Variants in PCDHGC4 observed in about 807,000 individuals in gnomAD.
PCDHGC4 encodes protocadherin gamma subfamily C, 4, also known as protocadherin gamma-C4.
A neutral mutation model predicts 59.7 loss-of-function variants in PCDHGC4; 15 were observed. The ratio of observed to expected loss-of-function variants is 0.25; its 90% confidence interval spans 0.17 to 0.39. The LOEUF (loss-of-function observed/expected upper bound fraction) is 0.39. PCDHGC4 is among the 10% of genes least tolerant of loss of function. The pLI is 1.00. For synonymous variants in PCDHGC4, 434 were observed against 481.4 expected, an observed-to-expected ratio of 0.90 and a Z score of 1.29; for missense variants, 1,016 against 1,189.5, an observed-to-expected ratio of 0.85 and a Z score of 2.15.
Position 141,491,364 on chromosome 5 carries a change from C to T in PCDHGC4, c.2443-3443C>T. 1 of 1,614,164 alleles carries T rather than the reference C, an allele frequency of 6.2e-7. No homozygotes were observed. The highest frequency in any genetic ancestry group is 8.5e-7 in the Non-Finnish European group (1 of 1,180,000). On this transcript the variant is annotated intron_variant, in intron 1 of 3. Coordinates refer to ENST00000306593, the MANE Select transcript of PCDHGC4 (RefSeq NM_018928.3). This position sits in a 1 kb window ranked among gnomAD's most constrained non-coding sequence, Gnocchi z 6.9. The stretch of plus-strand genomic sequence containing the variant: ...CCGTCAGTCTCTTATCCCTAGTCAC[C>T]TTCACCTTTCTGTCAGCGAAGTGCC...
At chr5:141,503,598 C>CTAA (rs2099824827) in intron 2 of PCDHGC4, among the ~76,000 whole-genome samples, 2 of 65,752 alleles carry the variant, frequency 3.0e-5, no homozygotes, top group African/African-American at 9.3e-5. Flanking sequence ...GACTCCAGCT[C>CTAA]AAAAAAAAAA....
At chr5:141,492,161 TC>T (rs1269738341) in intron 1 of PCDHGC4, among the ~76,000 whole-genome samples, 2 of 152,142 alleles carry the variant, frequency 1.3e-5, no homozygotes, top group Admixed American at 6.5e-5. Context: ...ACCCTCCCTA[TC>T]CCCGCATCAC....
At chr5:141,498,588 A>G (rs1326073516) in intron 2 of PCDHGC4, among the ~76,000 whole-genome samples, 1 of 152,082 alleles carries the variant, frequency 6.6e-6, no homozygotes, top group Non-Finnish European at 1.5e-5. Context: ...GTTCTTCAGT[A>G]AACTTGGTTC....
Position 141,485,859 on chromosome 5 carries a change from G to A in PCDHGC4, c.686G>A (p.Arg229Gln), listed in dbSNP as rs1272239385. ...CCGAGATCTGGCACCGCAGAGCTCC[G>A]GGTATCCGTGCTGGACGTAAACGAC... The part of the protein sequence containing the change: ...NPPRSGTAEL[R>Q]VSVLDVNDNA... The change falls in exon 1 of 4, where the codon CGG (arginine) becomes CAG (glutamine). Residue 229 changes from arginine to glutamine, a missense_variant. Arg to Gln is a conservative substitution (Grantham distance 43). Transcript: ENST00000306593. This position sits in a 1 kb window ranked among gnomAD's most constrained non-coding sequence, Gnocchi z 5.7. 3.7e-6 allele frequency: 6 copies of A among 1,614,046 alleles called. No homozygotes were observed. Among genetic ancestry groups the A allele is most frequent in the Admixed American group, 3.3e-5 (2 of 60,000 alleles).
At position 141,498,971 on chromosome 5, in the gene PCDHGC4, G is replaced by GGGAAGGAAGGAA. The variant is rs201769957; in HGVS notation, c.2501+4152_2501+4163dup. On this transcript the variant is annotated intron_variant, in intron 2 of 3. Coordinates refer to ENST00000306593, the MANE Select transcript of PCDHGC4 (RefSeq NM_018928.3). ...AAAAAGAGAGAGAGGGAGGGAGGGA[G>GGGAAGGAAGGAA]GGAAGGAAGGAAGGAAGGAAGGAAG... 6.8e-3 allele frequency among the ~76,000 whole-genome samples: 758 copies of GGGAAGGAAGGAA among 111,036 alleles called. 12 individuals are homozygous for GGGAAGGAAGGAA. Among genetic ancestry groups the GGGAAGGAAGGAA allele is most frequent in the African/African-American group, 0.021 (585 of 27,816 alleles). 72.8% of individuals were successfully genotyped at this position (111,036 alleles called of 152,430 possible). A position where few individuals can be genotyped will look rare whatever the true frequency, so the allele number is the denominator to read the frequency against.
At chr5:141,497,245 G>T (rs779763574) in intron 2 of PCDHGC4, among the ~76,000 whole-genome samples, 2 of 152,138 alleles carry the variant, frequency 1.3e-5, no homozygotes, top group Non-Finnish European at 2.9e-5. Flanking sequence ...TCTAGGAGGA[G>T]GTGACATTGA....
At position 141,489,646 on chromosome 5, in the gene PCDHGC4, C is replaced by A. The variant is rs1274955075; in HGVS notation, c.2442+2031C>A. 1.2e-6 allele frequency: 2 copies of A among 1,614,186 alleles called. No homozygotes were observed. The highest frequency in any genetic ancestry group is 2.7e-5 in the African/African-American group (2 of 75,048). On this transcript the variant is annotated intron_variant, in intron 1 of 3. Coordinates refer to ENST00000306593, the MANE Select transcript of PCDHGC4 (RefSeq NM_018928.3). This position sits in a 1 kb window ranked among gnomAD's most constrained non-coding sequence, Gnocchi z 4.5. Reference sequence around the variant, plus strand: ...TGACAACTCTCCTAGCTTTGCCACCCCTGAGCGAGAGATGCGCATCTCAGA... The same window carrying A: ...TGACAACTCTCCTAGCTTTGCCACCACTGAGCGAGAGATGCGCATCTCAGA...
In PCDHGC4 at chr5:141,490,801, A is replaced by G; in HGVS notation, c.2442+3186A>G. On this transcript the variant is annotated intron_variant, in intron 1 of 3. Transcript: ENST00000306593. The surrounding 1 kb of genome is among the most constrained non-coding windows in gnomAD (Gnocchi z 5.4). ...GGATGGACGGATCTTTGCCCAGCGT[A>G]CCTTTGACTATGAATTGCTGCAGAT... The G allele has an allele frequency of 6.2e-7, 1 of 1,613,854 alleles. No homozygotes were observed. Among genetic ancestry groups the G allele is most frequent in the African/African-American group, 1.3e-5 (1 of 75,042 alleles).
rs146615755 is a variant in PCDHGC4 at position 141,486,022 on chromosome 5, T to C, written c.849T>C (p.Gly283=). The C allele has an allele frequency of 1.2e-6, 2 of 1,614,030 alleles. No homozygotes were observed. Among genetic ancestry groups the C allele is most frequent in the Non-Finnish European group, 1.7e-6 (2 of 1,180,036 alleles). The part of the protein sequence containing the change: ...PSGNVTFYFS[G]HTPDRVRNLF... Reference sequence around the variant, plus strand: ...GTAACGTCACCTTTTATTTCAGTGGTCATACCCCTGATCGTGTAAGAAACC... The same window carrying C: ...GTAACGTCACCTTTTATTTCAGTGGCCATACCCCTGATCGTGTAAGAAACC... Residue 283 remains glycine, a synonymous_variant, in exon 1 of 4, where the codon GGT becomes GGC. Coordinates refer to ENST00000306593, the MANE Select transcript of PCDHGC4 (RefSeq NM_018928.3). The surrounding 1 kb of genome is among the most constrained non-coding windows in gnomAD (Gnocchi z 5.0).
chr5:141,487,256 G>A lies in PCDHGC4; in HGVS notation c.2083G>A (p.Val695Met). ...ATCTCGTCTAACCCTCTACTTGGCTGTGTCCCTAGTGGCAATTTGCTTTGT... is the reference window on the plus strand; with the variant it reads ...ATCTCGTCTAACCCTCTACTTGGCTATGTCCCTAGTGGCAATTTGCTTTGT... The part of the protein sequence containing the change: ...GESRLTLYLA[V>M]SLVAICFVSF... The change falls in exon 1 of 4, where the codon GTG (valine) becomes ATG (methionine). Residue 695 changes from valine to methionine, a missense_variant. Physicochemically the swap from Val to Met is conservative, Grantham distance 21. Transcript: ENST00000306593. The surrounding 1 kb of genome is among the most constrained non-coding windows in gnomAD (Gnocchi z 5.0). The A allele has an allele frequency of 6.2e-7, 1 of 1,614,166 alleles. No individual in the cohort carries two copies. The highest frequency in any genetic ancestry group is 8.5e-7 in the Non-Finnish European group (1 of 1,180,032).
At position 141,491,597 on chromosome 5, in the gene PCDHGC4, A is replaced by T. The variant is rs1389838814; in HGVS notation, c.2443-3210A>T. Reference sequence around the variant, plus strand: ...TTTTCACCGGCCTCGGACGGCAGTGACTTCACTTTTCTAAGACCCCTCAGC... The same window carrying T: ...TTTTCACCGGCCTCGGACGGCAGTGTCTTCACTTTTCTAAGACCCCTCAGC... On this transcript the variant is annotated intron_variant, in intron 1 of 3. Coordinates refer to ENST00000306593, the MANE Select transcript of PCDHGC4 (RefSeq NM_018928.3). This position sits in a 1 kb window ranked among gnomAD's most constrained non-coding sequence, Gnocchi z 6.9. 1.2e-6 allele frequency: 2 copies of T among 1,613,788 alleles called. No individual in the cohort carries two copies. The highest frequency in any genetic ancestry group is 1.7e-6 in the Non-Finnish European group (2 of 1,180,012).
chr5:141,486,637 G>A lies in PCDHGC4; in HGVS notation c.1464G>A (p.Ala488=), dbSNP rs761072169. Residue 488 remains alanine (A), a synonymous_variant, in exon 1 of 4, where the codon GCG becomes GCA. Transcript: ENST00000306593. The surrounding 1 kb of genome is among the most constrained non-coding windows in gnomAD (Gnocchi z 5.0). ...AASDPDSGLN[A]LISYSLLEPR... ...CTGACCCAGACTCTGGCTTGAATGC[G>A]CTTATCTCCTACTCACTCCTGGAGC... 3.1e-5 allele frequency: 50 copies of A among 1,613,520 alleles called. No individual in the cohort carries two copies. The highest frequency in any genetic ancestry group is 5.0e-5 in the Admixed American group (3 of 60,000).
intron 3 of PCDHGC4, 86 bp downstream of exon 3, chr5:141,505,567 T>C: frequency 6.3e-7 from 1 of 1,599,440 alleles, no homozygotes; most frequent in South Asian, 1.1e-5. Flanking sequence ...ACGGACTGGA[T>C]GTCAAACCTG....
intron 1 of PCDHGC4, among the ~76,000 whole-genome samples, chr5:141,492,090 C>T (rs751238997): frequency 1.4e-4 from 21 of 152,258 alleles, no homozygotes; most frequent in Admixed American, 6.5e-5. Flanking sequence ...GCACGCTTCG[C>T]CGGTCTGTAG....
Position 141,489,517 on chromosome 5 carries a change from G to C in PCDHGC4, c.2442+1902G>C. The C allele has an allele frequency of 6.2e-7, 1 of 1,614,136 alleles. No individual in the cohort carries two copies. Among genetic ancestry groups the C allele is most frequent in the Non-Finnish European group, 8.5e-7 (1 of 1,180,044 alleles). On this transcript the variant is annotated intron_variant, in intron 1 of 3. Transcript: ENST00000306593. The surrounding 1 kb of genome is among the most constrained non-coding windows in gnomAD (Gnocchi z 4.5). ...GGCAGTGAATCAAAAGATTGACCGA[G>C]AAAGCCTATGTGGAGCCAGCACCAG...
In PCDHGC4 at chr5:141,489,911, G is replaced by A; in HGVS notation, c.2442+2296G>A. On this transcript the variant is annotated intron_variant, in intron 1 of 3. Transcript: ENST00000306593. The surrounding 1 kb of genome is among the most constrained non-coding windows in gnomAD (Gnocchi z 4.5). ...GATGGGGGGACCCCAGCCCGCTCAG[G>A]GACCACCCTTATCTCTGTCATCGTG... 3.7e-6 allele frequency: 6 copies of A among 1,614,198 alleles called. No individual in the cohort carries two copies. Among genetic ancestry groups the A allele is most frequent in the Non-Finnish European group, 5.1e-6 (6 of 1,180,042 alleles).
At chr5:141,510,677 A>G (rs2099882239) in intron 3 of PCDHGC4, among the ~76,000 whole-genome samples, 2 of 152,212 alleles carry the variant, frequency 1.3e-5, no homozygotes, top group African/African-American at 4.8e-5. Context: ...CTGAAGTGGC[A>G]TAAGGAGGTT....
In PCDHGC4 at chr5:141,489,950, A is replaced by C. The variant is rs1055715796; in HGVS notation, c.2442+2335A>C. 1 of 1,614,192 alleles carries C rather than the reference A, an allele frequency of 6.2e-7. No homozygotes were observed. The highest frequency in any genetic ancestry group is 1.3e-5 in the African/African-American group (1 of 75,060). ...TCTGTCATCGTGCTGGACATCAATG[A>C]TAATGCTCCAACCTTCCAATCCTCA... is the stretch of plus-strand genomic sequence containing the variant. On this transcript the variant is annotated intron_variant, in intron 1 of 3. Coordinates refer to ENST00000306593, the MANE Select transcript of PCDHGC4 (RefSeq NM_018928.3). The surrounding 1 kb of genome is among the most constrained non-coding windows in gnomAD (Gnocchi z 4.5).
Position 141,490,685 on chromosome 5 carries a change from A to G in PCDHGC4, c.2442+3070A>G, listed in dbSNP as rs2099703028. On this transcript the variant is annotated intron_variant, in intron 1 of 3. Coordinates refer to ENST00000306593, the MANE Select transcript of PCDHGC4 (RefSeq NM_018928.3). The surrounding 1 kb of genome is among the most constrained non-coding windows in gnomAD (Gnocchi z 5.4). ...TGCACTGTGGCTGCCTCAGATCCAGACACTGGGGATAATGCCCGCCTCACC... is the reference window on the plus strand; with the variant it reads ...TGCACTGTGGCTGCCTCAGATCCAGGCACTGGGGATAATGCCCGCCTCACC... The G allele has an allele frequency of 1.9e-6, 3 of 1,614,030 alleles. No individual in the cohort carries two copies. Among genetic ancestry groups the G allele is most frequent in the South Asian group, 2.2e-5 (2 of 91,082 alleles).
Sources: allele counts gnomAD v4.1 joint callset (sites outside exome capture counted in the v4.1 genomes callset), GRCh38; gene constraint gnomAD v4.1.1; non-coding constraint Gnocchi (gnomAD v3.1); transcripts MANE v1.5; gene names NCBI Gene and HGNC (gene_info 2026-07-23, HGNC 2026-07-21).